The following TGFBI variants were observed in gnomAD, a reference collection of about 807,000 sequenced individuals.
The protein encoded by TGFBI is transforming growth factor beta induced, also known as transforming growth factor-beta-induced protein ig-h3.
TGFBI carries 50 observed loss-of-function variants against 73.7 expected under a neutral mutation model. That is an observed-to-expected ratio of 0.68 (90% confidence interval 0.54 to 0.86). TGFBI has a LOEUF of 0.86. TGFBI is among the 40% of genes least tolerant of loss of function. TGFBI has a pLI of 0.00. For synonymous variants in TGFBI, 362 were observed against 360.5 expected (o/e 1.00, Z -0.05); for missense variants, 839 against 877.0 (o/e 0.96, Z 0.55).
intron 2 of TGFBI, among the ~76,000 whole-genome samples, chr5:136,034,397 C>G (rs557252203): frequency 1.3e-5 from 2 of 152,088 alleles, no homozygotes; most frequent in South Asian, 2.1e-4. Flanking sequence ...TCTTTAGAAC[C>G]CTCCATTGCT....
intron 2 of TGFBI, 24 bp downstream of exon 2, chr5:136,033,885 A>G: frequency 6.3e-7 from 1 of 1,598,718 alleles, no homozygotes; most frequent in South Asian, 1.1e-5. Flanking sequence ...ACCAGCCAGG[A>G]GACCAAGCTG....
intron 5 of TGFBI, 86 bp from the exon 6 acceptor site, chr5:136,047,188 T>A: frequency 6.3e-7 from 1 of 1,576,270 alleles, no homozygotes. Context: ...TGCTACTGTG[T>A]TTGAAAACAC....
At chr5:136,046,822 C>T in intron 4 of TGFBI, 29 bp from the exon 5 acceptor site, 1 of 1,604,630 alleles carries the variant, frequency 6.2e-7, no homozygotes, top group Non-Finnish European at 8.5e-7. Flanking sequence ...GTCTGCAGCC[C>T]CTAACTGACA....
At chr5:136,060,996 G>A in intron 14 of TGFBI, 60 bp downstream of exon 14, 3 of 1,279,052 alleles carry the variant, frequency 2.3e-6, no homozygotes, top group Non-Finnish European at 3.2e-6. Context: ...GGCAGTTGGT[G>A]GAGAGAAGAA....
chr5:136,046,241 C>A, intron 3 of TGFBI, 94 bp from the exon 4 acceptor site: 1 of 1,478,570 alleles, frequency 6.8e-7, no homozygotes, highest in Non-Finnish European at 9.3e-7. Flanking sequence ...TCCTCTCCAC[C>A]TGTAGATGTA....
chr5:136,029,031 C>T lies in TGFBI; in HGVS notation c.-25C>T, dbSNP rs1371654590. On this transcript the variant is annotated 5_prime_UTR_variant, in exon 1 of 17. Coordinates refer to ENST00000442011, the MANE Select transcript of TGFBI (RefSeq NM_000358.3). ...CCCGCTTGCCCGTCGGTCGCTAGCT[C>T]GCTCGGTGCGCGTCGTCCCGCTCCA... 6.6e-7 allele frequency: 1 copy of T among 1,517,280 alleles called. No homozygotes were observed. Among genetic ancestry groups the T allele is most frequent in the Non-Finnish European group, 8.8e-7 (1 of 1,139,674 alleles). The allele number at this position is 1,517,280 out of a possible 1,614,324, so 94.0% of individuals were successfully genotyped here. A position where few individuals can be genotyped will look rare whatever the true frequency, so the allele number is the denominator to read the frequency against.
chr5:136,052,466 C>T (rs1052842504), intron 7 of TGFBI, among the ~76,000 whole-genome samples: 3 of 152,176 alleles, frequency 2.0e-5, no homozygotes, highest in African/African-American at 4.8e-5. Context: ...TCTAAAATCC[C>T]GTGGTAGGCT....
chr5:136,032,383 A>G (rs767481005), intron 1 of TGFBI, among the ~76,000 whole-genome samples: 1 of 152,204 alleles, frequency 6.6e-6, no homozygotes, highest in Non-Finnish European at 1.5e-5. Flanking sequence ...AGGGCAGAGA[A>G]ATGAAGGGGC....
chr5:136,059,974 A>C (rs926143624), intron 13 of TGFBI, among the ~76,000 whole-genome samples: 1 of 152,200 alleles, frequency 6.6e-6, no homozygotes, highest in Admixed American at 6.5e-5. Context: ...TGTCTGTCAC[A>C]GGCTTCTGTG....
chr5:136,063,112 G>A (rs1201803070), intron 16 of TGFBI, 74 bp from the exon 17 acceptor site: 1 of 1,433,308 alleles, frequency 7.0e-7, no homozygotes, highest in East Asian at 2.3e-5. Flanking sequence ...CCTGGTCCTT[G>A]AGATTCTGAC....
chr5:136,058,696 A>C (rs1751693852), intron 12 of TGFBI: 1 of 167,610 alleles, frequency 6.0e-6, no homozygotes, highest in Non-Finnish European at 1.3e-5. Context: ...CTGATGATGA[A>C]ACGTCCCAGA....
intron 15 of TGFBI, among the ~76,000 whole-genome samples, chr5:136,061,803 A>G (rs576125376): frequency 1.2e-4 from 18 of 152,316 alleles, no homozygotes; most frequent in African/African-American, 4.3e-4. Context: ...GCAGGCTTTC[A>G]CACCGAGGCC....
intron 6 of TGFBI, 29 bp from the exon 7 acceptor site, chr5:136,049,410 G>T (rs1751491679): frequency 1.2e-6 from 2 of 1,610,774 alleles, no homozygotes; most frequent in Non-Finnish European, 1.7e-6. Flanking sequence ...AGTCTTCAGG[G>T]AGCACTCCAT....
intron 10 of TGFBI, 177 bp downstream of exon 10, chr5:136,055,038 A>C (rs1751603464): frequency 3.8e-6 from 3 of 779,524 alleles, no homozygotes; most frequent in African/African-American, 1.7e-5. Context: ...GAAGGATTGG[A>C]ATCTCTTTTT....
rs530791523 is a variant in TGFBI, at chr5:136,063,385, A to G, written c.*159A>G. 3.0e-6 allele frequency: 2 copies of G among 663,302 alleles called. No individual in the cohort carries two copies. Among genetic ancestry groups the G allele is most frequent in the African/African-American group, 3.6e-5 (2 of 55,554 alleles). The allele number at this position is 663,302 out of a possible 1,614,324, so 41.1% of individuals were successfully genotyped here. On this transcript the variant is annotated 3_prime_UTR_variant, in exon 17 of 17. Coordinates refer to ENST00000442011, the MANE Select transcript of TGFBI (RefSeq NM_000358.3). ...GTGAGCCTTGTGCATGTGGGGGAGG[A>G]GGGAGAGAGATGTACTTTTTAAATC...
In TGFBI at chr5:136,044,216, G is replaced by A. The variant is rs571223205; in HGVS notation, c.298+94G>A. On this transcript the variant is annotated intron_variant, in intron 3 of 16. Coordinates refer to ENST00000442011, the MANE Select transcript of TGFBI (RefSeq NM_000358.3). Reference sequence around the variant, plus strand: ...ACATAAAAGGCAGCAGAGTGTGAATGGGGGCAGTGGCACAAGGACATGGCA... The same window carrying A: ...ACATAAAAGGCAGCAGAGTGTGAATAGGGGCAGTGGCACAAGGACATGGCA... 4.7e-6 allele frequency: 5 copies of A among 1,063,050 alleles called. No homozygotes were observed. In the African/African-American group the frequency reaches 7.9e-5, roughly 17 times the overall value. 65.9% of individuals were successfully genotyped at this position (1,063,050 alleles called of 1,614,324 possible). A position where few individuals can be genotyped will look rare whatever the true frequency, so the allele number is the denominator to read the frequency against.
At chr5:136,032,617 C>G (rs1751141479) in intron 1 of TGFBI, among the ~76,000 whole-genome samples, 1 of 152,152 alleles carries the variant, frequency 6.6e-6, no homozygotes, top group Admixed American at 6.5e-5. Flanking sequence ...ACCTGAAGTT[C>G]TCTGAGCTTG....
Position 136,056,712 on chromosome 5 carries a change from A to G in TGFBI, c.1595A>G (p.Asn532Ser), listed in dbSNP as rs1751639045. The change falls in exon 12 of 17, where the codon AAC becomes AGC. Residue 532 changes from asparagine (N) to serine (S), a missense_variant. Physicochemically the swap from Asn to Ser is conservative, Grantham distance 46. Transcript: ENST00000442011. ...TCTGCAGGACTGACGGAGACCCTCA[A>G]CCGGGAAGGAGTCTACACAGTCTTT... ...IQSAGLTETL[N>S]REGVYTVFAP... The G allele has an allele frequency of 5.6e-6, 9 of 1,613,894 alleles. No individual in the cohort carries two copies. Among genetic ancestry groups the G allele is most frequent in the South Asian group, 1.1e-5 (1 of 91,062 alleles).
chr5:136,038,076 G>A (rs1751262781), intron 2 of TGFBI, among the ~76,000 whole-genome samples: 4 of 152,192 alleles, frequency 2.6e-5, no homozygotes. Context: ...TGCTCTGGGG[G>A]CACTGAGATT....
Sources: gnomAD v4.1 joint callset for allele counts (sites outside exome capture counted in the v4.1 genomes callset) on GRCh38, gnomAD v4.1.1 for gene constraint, MANE v1.5 for transcripts, NCBI Gene and HGNC (gene_info 2026-07-23, HGNC 2026-07-21) for gene names.